PIP5K1C: variants seen among roughly 807,000 people sequenced by gnomAD.
PIP5K1C encodes the protein phosphatidylinositol-4-phosphate 5-kinase type 1 gamma.
A neutral mutation model predicts 80.1 loss-of-function variants in PIP5K1C; 45 were observed. The observed-to-expected ratio is 0.56, with a 90% confidence interval of 0.44 to 0.72. The LOEUF (loss-of-function observed/expected upper bound fraction) is 0.72. PIP5K1C is among the 30% of genes least tolerant of loss of function. PIP5K1C has a pLI of 0.00. For synonymous variants in PIP5K1C, 498 were observed against 420.1 expected (o/e 1.19, Z -2.27); for missense variants, 753 against 954.6 (o/e 0.79, Z 2.78).
rs1243139033 is a variant in PIP5K1C, at chr19:3,632,976, G to A, written c.*191C>T. On this transcript the variant is annotated 3_prime_UTR_variant, in exon 18 of 18. Transcript: ENST00000335312. The stretch of plus-strand genomic sequence containing the variant: ...CTCACAGGGGCAGGCTGCCGACCGG[G>A]GTGCCGGGGCCCTGGGAGGCTTGTC... 2 of 526,098 alleles carry A rather than the reference G, an allele frequency of 3.8e-6. No individual in the cohort carries two copies. The highest frequency in any genetic ancestry group is 3.4e-5 in the Admixed American group (1 of 29,554). The allele number at this position is 526,098 out of a possible 1,614,324, so 32.6% of individuals were successfully genotyped here.
chr19:3,697,025 C>T (rs1004290901), intron 1 of PIP5K1C, among the ~76,000 whole-genome samples: 12 of 150,792 alleles, frequency 8.0e-5, no homozygotes, highest in African/African-American at 2.7e-4. Flanking sequence ...CGAGGAGGAC[C>T]GAGCTGGACA....
At chr19:3,677,426 T>C (rs1216772114) in intron 1 of PIP5K1C, among the ~76,000 whole-genome samples, 1 of 151,648 alleles carries the variant, frequency 6.6e-6, no homozygotes, top group Non-Finnish European at 1.5e-5. Context: ...CTACTGAAAA[T>C]ACAAAAATTA....
chr19:3,667,171 C>T lies in PIP5K1C; in HGVS notation c.126+151G>A, dbSNP rs555830978. 44 of 697,422 alleles carry T rather than the reference C, an allele frequency of 6.3e-5. 1 individual carries two copies. The highest frequency in any genetic ancestry group is 5.9e-4 in the South Asian group (38 of 64,768). 43.2% of individuals were successfully genotyped at this position (697,422 alleles called of 1,614,324 possible). A position where few individuals can be genotyped will look rare whatever the true frequency, so the allele number is the denominator to read the frequency against. On this transcript the variant is annotated intron_variant, in intron 2 of 17. Coordinates refer to ENST00000335312, the MANE Select transcript of PIP5K1C (RefSeq NM_012398.3). ...CCTCTCAAGACGCAGTTGGTGTAGA[C>T]CTCACGTTCATCCTGCTTGTGGACA...
chr19:3,652,716 C>T lies in PIP5K1C; in HGVS notation c.921+574G>A, dbSNP rs1187239688. ...TCCACGGGGACAGGAGCCAGACCCT[C>T]ACTGGACGCACATGGGCCCTCACTG... On this transcript the variant is annotated intron_variant, in intron 7 of 17. Coordinates refer to ENST00000335312, the MANE Select transcript of PIP5K1C (RefSeq NM_012398.3). 3.3e-5 allele frequency among the ~76,000 whole-genome samples: 5 copies of T among 152,332 alleles called. No individual in the cohort carries two copies. In the South Asian group the frequency reaches 6.2e-4, roughly 19 times the overall value.
Position 3,637,850 on chromosome 19 carries a change from T to G in PIP5K1C, c.1920+1034A>C. On this transcript the variant is annotated intron_variant, in intron 16 of 17. Coordinates refer to ENST00000335312, the MANE Select transcript of PIP5K1C (RefSeq NM_012398.3). The surrounding 1 kb of genome is among the most constrained non-coding windows in gnomAD (Gnocchi z 7.0). ...CAGGACACAGACACACAGCACGACA[T>G]GGCCCCCAGGCCCCCCGTACCATCC... 6.5e-7 allele frequency: 1 copy of G among 1,535,212 alleles called. No homozygotes were observed. Among genetic ancestry groups the G allele is most frequent in the Non-Finnish European group, 8.7e-7 (1 of 1,146,662 alleles).
At chr19:3,699,462 G>A (rs949782966) in intron 1 of PIP5K1C, among the ~76,000 whole-genome samples, 1 of 152,190 alleles carries the variant, frequency 6.6e-6, no homozygotes, top group Non-Finnish European at 1.5e-5. Flanking sequence ...CGGGAGGCCT[G>A]GGGGGAGAAG....
intron 11 of PIP5K1C, among the ~76,000 whole-genome samples, chr19:3,644,652 T>C (rs1174717352): frequency 3.3e-5 from 5 of 152,104 alleles, no homozygotes; most frequent in South Asian, 2.1e-4. Context: ...GCACCAGGTG[T>C]TGTGGTTAGA....
intron 15 of PIP5K1C, 99 bp from the exon 16 acceptor site, chr19:3,639,115 T>C (rs1317622177): frequency 2.1e-6 from 3 of 1,408,960 alleles, no homozygotes; most frequent in Non-Finnish European, 2.9e-6. Context: ...CATACGGTCA[T>C]CACGGAGATG....
chr19:3,657,816 T>C (rs2034689414), intron 5 of PIP5K1C, among the ~76,000 whole-genome samples: 1 of 150,624 alleles, frequency 6.6e-6, no homozygotes, highest in Admixed American at 6.6e-5. Context: ...CCATCTGTGG[T>C]CCCAGCTACT....
chr19:3,637,035 A>G lies in PIP5K1C; in HGVS notation c.1920+1849T>C, dbSNP rs1351045183. On this transcript the variant is annotated intron_variant, in intron 16 of 17. Transcript: ENST00000335312. This position sits in a 1 kb window ranked among gnomAD's most constrained non-coding sequence, Gnocchi z 7.0. ...CGAGGCCTCAGCGCCTCCATCTGTGAGGTGGGTGTGGAGAGACCATCTCCT... is the reference window on the plus strand; with the variant it reads ...CGAGGCCTCAGCGCCTCCATCTGTGGGGTGGGTGTGGAGAGACCATCTCCT... 5.6e-6 allele frequency: 6 copies of G among 1,069,558 alleles called. No homozygotes were observed. The highest frequency in any genetic ancestry group is 6.8e-6 in the Non-Finnish European group (6 of 882,076). The allele number at this position is 1,069,558 out of a possible 1,614,324, so 66.3% of individuals were successfully genotyped here.
Position 3,664,834 on chromosome 19 carries a change from G to A in PIP5K1C, c.207C>T (p.Thr69=), listed in dbSNP as rs769920885. The change falls in exon 3 of 18, where the codon ACC becomes ACT. Residue 69 remains threonine, a synonymous_variant. Transcript: ENST00000335312. ...GGAGCCGAGGAACCTTCTTGTAGGTGGTTTCGCCGGATGCGTCCACACCTC... is the reference window on the plus strand; with the variant it reads ...GGAGCCGAGGAACCTTCTTGTAGGTAGTTTCGCCGGATGCGTCCACACCTC... ...GHRGVDASGE[T]TYKKTTSSTL... 8 of 1,613,010 alleles carry A rather than the reference G, an allele frequency of 5.0e-6. No individual in the cohort carries two copies. Among genetic ancestry groups the A allele is most frequent in the Non-Finnish European group, 5.9e-6 (7 of 1,179,768 alleles).
chr19:3,684,661 G>T (rs139224567), intron 1 of PIP5K1C, among the ~76,000 whole-genome samples: 14 of 152,226 alleles, frequency 9.2e-5, no homozygotes, highest in Non-Finnish European at 2.1e-4. Context: ...GCACTGCAGC[G>T]TGAAGCCTCT....
intron 1 of PIP5K1C, among the ~76,000 whole-genome samples, chr19:3,678,121 A>G (rs2035444043): frequency 2.5e-5 from 3 of 118,784 alleles, no homozygotes; most frequent in Admixed American, 2.5e-4. Context: ...GGATGGAGAG[A>G]TGGAGGGATG....
chr19:3,686,002 C>T (rs1041741368), intron 1 of PIP5K1C, among the ~76,000 whole-genome samples: 1 of 151,572 alleles, frequency 6.6e-6, no homozygotes, highest in East Asian at 2.0e-4. Context: ...GCTGGGACTA[C>T]AGGCGCCACC....
chr19:3,687,498 C>T (rs543865299), intron 1 of PIP5K1C, among the ~76,000 whole-genome samples: 26 of 152,032 alleles, frequency 1.7e-4, no homozygotes, highest in African/African-American at 6.0e-4. Context: ...CGCACATACA[C>T]GCACACATGC....
rs1337460260 is a variant in PIP5K1C at position 3,661,851 on chromosome 19, G to A, written c.350+20C>T. 10 of 1,609,970 alleles carry A rather than the reference G, an allele frequency of 6.2e-6. No homozygotes were observed. The highest frequency in any genetic ancestry group is 8.5e-6 in the Non-Finnish European group (10 of 1,179,894). ...ACGTGTGTGCTGGGTGAGCCCTGAGGCTCCGGGGGCCCGGCCCACCTGGGG... is the reference window on the plus strand; with the variant it reads ...ACGTGTGTGCTGGGTGAGCCCTGAGACTCCGGGGGCCCGGCCCACCTGGGG... On this transcript the variant is annotated intron_variant, in intron 4 of 17. Coordinates refer to ENST00000335312, the MANE Select transcript of PIP5K1C (RefSeq NM_012398.3).
At chr19:3,643,150 T>A in intron 13 of PIP5K1C, 93 bp downstream of exon 13, 1 of 1,583,300 alleles carries the variant, frequency 6.3e-7, no homozygotes. Flanking sequence ...TCCACCCACA[T>A]GCACAGCGGA....
rs750571696 is a variant in PIP5K1C, at chr19:3,643,208, G to A, written c.1649+35C>T. On this transcript the variant is annotated intron_variant, in intron 13 of 17. Coordinates refer to ENST00000335312, the MANE Select transcript of PIP5K1C (RefSeq NM_012398.3). ...TGCCCCGCCCCCACGCACAGCGGAT[G>A]CCCCGCCCACATGCACTGCGGATGC... is the stretch of plus-strand genomic sequence containing the variant. The A allele has an allele frequency of 6.2e-6, 10 of 1,610,036 alleles. No homozygotes were observed. In the African/African-American group the frequency reaches 6.7e-5, roughly 11 times the overall value.
At position 3,631,849 on chromosome 19, in the gene PIP5K1C, G is replaced by C. The variant is rs1272856331; in HGVS notation, c.*1318C>G. 1.3e-5 allele frequency: 2 copies of C among 152,300 alleles called. No individual in the cohort carries two copies. The highest frequency in any genetic ancestry group is 2.9e-5 in the Non-Finnish European group (2 of 68,088). 9.4% of individuals were successfully genotyped at this position (152,300 alleles called of 1,614,324 possible). A position where few individuals can be genotyped will look rare whatever the true frequency, so the allele number is the denominator to read the frequency against. On this transcript the variant is annotated 3_prime_UTR_variant, in exon 18 of 18. Transcript: ENST00000335312. ...CACACCAGGCTCTGCCAGGTCTGGA[G>C]AGGAATTCTTCCCAAAGGTGCAGCT...
Sources: gnomAD v4.1 joint callset for allele counts (sites outside exome capture counted in the v4.1 genomes callset) on GRCh38, gnomAD v4.1.1 for gene constraint, Gnocchi (gnomAD v3.1) non-coding constraint, MANE v1.5 for transcripts, NCBI Gene and HGNC (gene_info 2026-07-23, HGNC 2026-07-21) for gene names.